LHFPL6: variants seen among roughly 807,000 people sequenced by gnomAD.
LHFPL6 encodes the protein LHFPL tetraspan subfamily member 6, also known as LHFPL tetraspan subfamily member 6 protein.
LHFPL6 carries 9 observed loss-of-function variants against 20.6 expected under a neutral mutation model. That is an observed-to-expected ratio of 0.44 (90% CI 0.26 to 0.76). LHFPL6 has a LOEUF of 0.76. Among genes scored for constraint, LHFPL6 ranks in the 30% least tolerant of loss-of-function variants. LHFPL6 has a pLI of 0.20. For missense variants in LHFPL6, 218 were observed against 253.5 expected (o/e 0.86, Z 0.95); for synonymous variants, 105 against 98.7 (o/e 1.06, Z -0.38).
chr13:39,433,874 C>T (rs75167290), intron 2 of LHFPL6, among the ~76,000 whole-genome samples: 2,771 of 152,286 alleles, frequency 0.018, 80 homozygotes, highest in African/African-American at 0.063. Flanking sequence ...CACCAGGAGC[C>T]TCCTTTGGGA....
chr13:39,571,656 GC>G (rs1485260437), intron 2 of LHFPL6, among the ~76,000 whole-genome samples: 1 of 152,226 alleles, frequency 6.6e-6, no homozygotes, highest in African/African-American at 2.4e-5. Context: ...TGTCACACCG[GC>G]CCTTTGCCCT....
intron 2 of LHFPL6, among the ~76,000 whole-genome samples, chr13:39,504,144 AATTAT>A (rs1321520177): frequency 2.0e-5 from 3 of 152,198 alleles, no homozygotes; most frequent in South Asian, 2.1e-4. Flanking sequence ...ACATGTTTTA[AATTAT>A]ATTAATATAT....
chr13:39,584,993 C>A (rs1443678555), intron 2 of LHFPL6, among the ~76,000 whole-genome samples: 1 of 152,204 alleles, frequency 6.6e-6, no homozygotes, highest in African/African-American at 2.4e-5. Flanking sequence ...TTCCCACTTT[C>A]TAGCCACACA....
intron 2 of LHFPL6, among the ~76,000 whole-genome samples, chr13:39,468,445 T>C (rs1872858318): frequency 6.6e-6 from 1 of 152,004 alleles, no homozygotes; most frequent in Non-Finnish European, 1.5e-5. Flanking sequence ...GGTGCTCCAA[T>C]CAGCTGGAGA....
rs988939238 is a variant in LHFPL6 at position 39,576,042 on chromosome 13, G to A, written c.385+24790C>T. 5.3e-5 allele frequency among the ~76,000 whole-genome samples: 8 copies of A among 152,220 alleles called. No homozygotes were observed. In the South Asian group the frequency reaches 8.3e-4, roughly 16 times the overall value. ...TTACAATTCAATTTTACTTGTAAACGAAACCTACCCCAGGGGATTTCTTAA... is the reference window on the plus strand; with the variant it reads ...TTACAATTCAATTTTACTTGTAAACAAAACCTACCCCAGGGGATTTCTTAA... On this transcript the variant is annotated intron_variant, in intron 2 of 3. Transcript: ENST00000379589.
At chr13:39,476,336 C>T (rs1041458210) in intron 2 of LHFPL6, among the ~76,000 whole-genome samples, 4 of 152,170 alleles carry the variant, frequency 2.6e-5, no homozygotes, top group South Asian at 4.1e-4. Context: ...AGCCTGAAAA[C>T]ATCTATTTTT....
rs570130507 is a variant in LHFPL6 at position 39,384,613 on chromosome 13, T to A, written c.386-6087A>T. On this transcript the variant is annotated intron_variant, in intron 2 of 3. Transcript: ENST00000379589. Reference sequence around the variant, plus strand: ...TTGGGTATTACACTGTATGCAGAAATAGAGCTCAGAAAATTTTCTGGAATT... The same window carrying A: ...TTGGGTATTACACTGTATGCAGAAAAAGAGCTCAGAAAATTTTCTGGAATT... Among the ~76,000 whole-genome samples, 82 of 152,312 alleles carry A rather than the reference T, an allele frequency of 5.4e-4. 1 individual carries two copies. Among genetic ancestry groups the A allele is most frequent in the Non-Finnish European group, 7.3e-4 (50 of 68,036 alleles).
chr13:39,404,257 A>C (rs74377103), intron 2 of LHFPL6, among the ~76,000 whole-genome samples: 13,631 of 152,290 alleles, frequency 0.09, 791 homozygotes, highest in South Asian at 0.2. Flanking sequence ...AAATCAATCT[A>C]AGTGTTGTTC....
chr13:39,594,520 G>A (rs1872711720), intron 2 of LHFPL6, among the ~76,000 whole-genome samples: 1 of 152,202 alleles, frequency 6.6e-6, no homozygotes, highest in African/African-American at 2.4e-5. Context: ...CTGTTGGTGG[G>A]ACTGTAAACT....
intron 2 of LHFPL6, among the ~76,000 whole-genome samples, chr13:39,417,117 C>T (rs1002089875): frequency 6.6e-6 from 1 of 152,204 alleles, no homozygotes; most frequent in Non-Finnish European, 1.5e-5. Flanking sequence ...TTTTATTACA[C>T]TTCTTACCAG....
At chr13:39,348,415 G>C (rs529094201) in intron 3 of LHFPL6, among the ~76,000 whole-genome samples, 83 of 152,260 alleles carry the variant, frequency 5.5e-4, no homozygotes, top group African/African-American at 1.9e-3. Flanking sequence ...TGTGCACACC[G>C]GGCTTTCTTC....
At chr13:39,520,676 C>T (rs1167475417) in intron 2 of LHFPL6, among the ~76,000 whole-genome samples, 2 of 152,132 alleles carry the variant, frequency 1.3e-5, no homozygotes, top group African/African-American at 4.8e-5. Flanking sequence ...AATAGTGGAG[C>T]CATGTCACGG....
intron 2 of LHFPL6, among the ~76,000 whole-genome samples, chr13:39,580,393 A>G (rs1312658006): frequency 6.6e-6 from 1 of 152,176 alleles, no homozygotes; most frequent in Non-Finnish European, 1.5e-5. Flanking sequence ...TATATTTACC[A>G]CGTCCTGAAT....
chr13:39,352,865 GTA>G (rs58916234), intron 3 of LHFPL6, among the ~76,000 whole-genome samples: 12,341 of 32,190 alleles, frequency 0.38, 1,491 homozygotes, highest in African/African-American at 0.49. Flanking sequence ...ATATATATGT[GTA>G]TATATATATA....
chr13:39,555,009 C>T (rs1227043313), intron 2 of LHFPL6, among the ~76,000 whole-genome samples: 1 of 152,074 alleles, frequency 6.6e-6, no homozygotes, highest in Non-Finnish European at 1.5e-5. Context: ...CTTTTCTAGC[C>T]AGAAGTCAAG....
intron 2 of LHFPL6, among the ~76,000 whole-genome samples, chr13:39,451,469 CAACCTATTACAT>C (rs762982280): frequency 6.6e-5 from 10 of 152,146 alleles, no homozygotes; most frequent in Non-Finnish European, 1.0e-4. Context: ...GGCCTGTAGC[CAACCTATTACAT>C]AACCTAGCCA....
chr13:39,498,924 G>A (rs376486954), intron 2 of LHFPL6, among the ~76,000 whole-genome samples: 4 of 151,964 alleles, frequency 2.6e-5, no homozygotes, highest in African/African-American at 9.7e-5. Context: ...GCAGTGACGC[G>A]ATCTCAGCTC....
At position 39,538,281 on chromosome 13, in the gene LHFPL6, C is replaced by T. The variant is rs532696193; in HGVS notation, c.385+62551G>A. Among the ~76,000 whole-genome samples the T allele has an allele frequency of 3.3e-5, 5 of 151,692 alleles. No individual in the cohort carries two copies. In the East Asian group the frequency reaches 5.8e-4, roughly 18 times the overall value. ...CTGAGATTACAGACGTGAGCCACCA[C>T]GCCCAGCCCATTTTTCTTATCTTTA... is the stretch of plus-strand genomic sequence containing the variant. On this transcript the variant is annotated intron_variant, in intron 2 of 3. Transcript: ENST00000379589.
At chr13:39,356,682 CATT>C (rs1869735439) in intron 3 of LHFPL6, among the ~76,000 whole-genome samples, 1 of 152,196 alleles carries the variant, frequency 6.6e-6, no homozygotes, top group Admixed American at 6.5e-5. Context: ...ACAAAGATGA[CATT>C]ATAACCAATC....
Sources: allele counts gnomAD v4.1 joint callset (sites outside exome capture counted in the v4.1 genomes callset), GRCh38; gene constraint gnomAD v4.1.1; transcripts MANE v1.5; gene names NCBI Gene and HGNC (gene_info 2026-07-23, HGNC 2026-07-21).